MON2: variants seen among roughly 807,000 people sequenced by gnomAD.
MON2 encodes MON2 regulator of endosome-to-Golgi trafficking.
A neutral mutation model predicts 208.6 loss-of-function variants in MON2; 84 were observed. The observed-to-expected ratio is 0.40, with a 90% CI of 0.34 to 0.48. The LOEUF is 0.48. MON2 is among the 20% of genes least tolerant of loss of function. The pLI is 0.59. For missense variants in MON2, 1,611 were observed against 2,015.4 expected (o/e 0.80, Z 3.84); for synonymous variants, 660 against 694.0 (o/e 0.95, Z 0.77).
At position 62,558,422 on chromosome 12, in the gene MON2, C is replaced by G. The variant is rs113333937; in HGVS notation, c.3410-2069C>G. ...CGTGCAATATATAATTATATCTACTCTTTTAAAGGGACCCCTTCTCTGACA... is the reference window on the plus strand; with the variant it reads ...CGTGCAATATATAATTATATCTACTGTTTTAAAGGGACCCCTTCTCTGACA... On this transcript the variant is annotated intron_variant, in intron 25 of 34. Coordinates refer to ENST00000393630, the MANE Select transcript of MON2 (RefSeq NM_015026.3). 1.3e-4 allele frequency among the ~76,000 whole-genome samples: 20 copies of G among 152,042 alleles called. 1 individual carries two copies. The highest frequency in any genetic ancestry group is 3.9e-4 in the African/African-American group (16 of 41,460).
Position 62,495,119 on chromosome 12 carries a change from C to G in MON2, c.407C>G (p.Thr136Arg). 6.2e-7 allele frequency: 1 copy of G among 1,610,112 alleles called. No individual in the cohort carries two copies. Among genetic ancestry groups the G allele is most frequent in the Non-Finnish European group, 8.5e-7 (1 of 1,177,674 alleles). Residue 136 changes from threonine (T) to arginine (R), a missense_variant, in exon 4 of 35, where the codon ACA becomes AGA. Transcript: ENST00000393630. ...GTTCTTGTTCTTTTAACAACCAATA[C>G]AGTAGTTCATGATGAGGCACTTTCT... Reference protein sequence around the residue: ...QTVLVLLTTNTVVHDEALSKA... With the variant: ...QTVLVLLTTNRVVHDEALSKA...
At chr12:62,522,112 A>G (rs2072075674) in intron 8 of MON2, among the ~76,000 whole-genome samples, 1 of 152,094 alleles carries the variant, frequency 6.6e-6, no homozygotes, top group Non-Finnish European at 1.5e-5. Context: ...ACTTGAACCC[A>G]GGAGGTGGAG....
chr12:62,489,887 G>A (rs2070020029), intron 2 of MON2: 2 of 292,358 alleles, frequency 6.8e-6, no homozygotes, highest in South Asian at 3.6e-5. Context: ...AGCATTTTGA[G>A]TATCAAAATA....
intron 10 of MON2, 64 bp from the exon 11 acceptor site, chr12:62,525,885 A>G (rs1343728951): frequency 4.0e-6 from 6 of 1,501,064 alleles, no homozygotes; most frequent in Non-Finnish European, 5.5e-6. Flanking sequence ...GTGTTTGACT[A>G]TTACTGATTT....
At chr12:62,524,456 C>G in intron 8 of MON2, 59 bp from the exon 9 acceptor site, 1 of 1,371,388 alleles carries the variant, frequency 7.3e-7, no homozygotes, top group Non-Finnish European at 1.0e-6. Flanking sequence ...AATAAGAACA[C>G]AGTCTATAAT....
At chr12:62,550,909 CTTTTTTTTTTTT>C (rs869160726) in intron 23 of MON2, among the ~76,000 whole-genome samples, 2 of 43,814 alleles carry the variant, frequency 4.6e-5, no homozygotes, top group East Asian at 6.5e-4. Context: ...TTCTTTCTTT[CTTTTTTTTTTTT>C]TTTTTTTTTT....
chr12:62,582,697 G>GA (rs2075045638), intron 32 of MON2, among the ~76,000 whole-genome samples: 1 of 150,060 alleles, frequency 6.7e-6, no homozygotes, highest in Admixed American at 6.7e-5. Flanking sequence ...AGCTTATGTT[G>GA]AAAAATAAAG....
At chr12:62,527,070 G>A (rs552710608) in intron 11 of MON2, among the ~76,000 whole-genome samples, 12 of 152,246 alleles carry the variant, frequency 7.9e-5, no homozygotes, top group Admixed American at 7.8e-4. Context: ...AGGTTGCAGT[G>A]AGCTGAGATC....
intron 8 of MON2, 103 bp downstream of exon 8, chr12:62,508,583 A>G: frequency 1.9e-6 from 2 of 1,060,780 alleles, no homozygotes; most frequent in South Asian, 2.7e-5. Flanking sequence ...ATTCAGTTCA[A>G]CAGAATTTTT....
chr12:62,559,711 C>T (rs1048086466), intron 25 of MON2, among the ~76,000 whole-genome samples: 1 of 151,258 alleles, frequency 6.6e-6, no homozygotes, highest in Admixed American at 6.6e-5. Context: ...CACTTGAGCT[C>T]AGTGAGCCAT....
Position 62,549,679 on chromosome 12 carries a change from T to TA in MON2, c.2766dup (p.Arg923ThrfsTer32). 1 of 1,594,334 alleles carries TA rather than the reference T, an allele frequency of 6.3e-7. No homozygotes were observed. Among genetic ancestry groups the TA allele is most frequent in the Non-Finnish European group, 8.5e-7 (1 of 1,174,318 alleles). On this transcript the variant is annotated frameshift_variant, in exon 23 of 35. Coordinates refer to ENST00000393630, the MANE Select transcript of MON2 (RefSeq NM_015026.3). LOFTEE classifies it high-confidence loss of function. ...TCTTTTGTTTTCAGAGAATCCTTGA[T>TA]ACGAACTGCATTCCAGTGTCTTCAG...
intron 8 of MON2, among the ~76,000 whole-genome samples, chr12:62,513,063 C>T (rs1477849355): frequency 6.6e-6 from 1 of 152,152 alleles, no homozygotes; most frequent in Non-Finnish European, 1.5e-5. Flanking sequence ...ACCACGTTTT[C>T]CTCATAGGCC....
At chr12:62,497,915 C>T (rs1361751374) in intron 4 of MON2, among the ~76,000 whole-genome samples, 1 of 151,798 alleles carries the variant, frequency 6.6e-6, no homozygotes, top group African/African-American at 2.4e-5. Flanking sequence ...CATGCCCAGC[C>T]AACTGGCGGT....
chr12:62,483,315 A>T (rs1231518522), intron 1 of MON2, among the ~76,000 whole-genome samples: 2 of 152,200 alleles, frequency 1.3e-5, no homozygotes, highest in Non-Finnish European at 2.9e-5. Context: ...GTAAAATACT[A>T]TGTGACTTGC....
chr12:62,568,338 T>G (rs1474923611), intron 29 of MON2, among the ~76,000 whole-genome samples: 1 of 152,138 alleles, frequency 6.6e-6, no homozygotes, highest in Non-Finnish European at 1.5e-5. Context: ...AATCAGTTTG[T>G]GTATTTTTAT....
rs1243880097 is a variant in MON2 at position 62,556,267 on chromosome 12, TAG to T, written c.3409+78_3409+79del. The T allele has an allele frequency of 3.7e-6, 5 of 1,346,658 alleles. No individual in the cohort carries two copies. The East Asian group carries it at 1.2e-4, about 33-fold the overall frequency. The allele number at this position is 1,346,658 out of a possible 1,614,324, so 83.4% of individuals were successfully genotyped here. A position where few individuals can be genotyped will look rare whatever the true frequency, so the allele number is the denominator to read the frequency against. ...ATTTGGAAAATACAGACGATTCTTT[TAG>T]AGTCTATCTTAACTTAGTCTTTATG... On this transcript the variant is annotated intron_variant, in intron 25 of 34. Coordinates refer to ENST00000393630, the MANE Select transcript of MON2 (RefSeq NM_015026.3).
chr12:62,487,109 A>G (rs2069844353), intron 2 of MON2, among the ~76,000 whole-genome samples: 1 of 152,018 alleles, frequency 6.6e-6, no homozygotes, highest in Admixed American at 6.6e-5. Flanking sequence ...ATAAGTGGGA[A>G]TGCTATGCCA....
At position 62,599,209 on chromosome 12, in the gene MON2, C is replaced by G. The variant is rs896354501; in HGVS notation, c.*6460C>G. The G allele has an allele frequency of 3.9e-5, 6 of 151,982 alleles. No homozygotes were observed. The highest frequency in any genetic ancestry group is 9.7e-5 in the African/African-American group (4 of 41,380). 9.4% of individuals were successfully genotyped at this position (151,982 alleles called of 1,614,324 possible). On this transcript the variant is annotated 3_prime_UTR_variant, in exon 35 of 35. Coordinates refer to ENST00000393630, the MANE Select transcript of MON2 (RefSeq NM_015026.3). ...ATGAAAAAATAATAAACAGAAGACA[C>G]GAAGTGTCTCTCAATAGTTTAGAAA...
At chr12:62,571,299 C>T (rs933731887) in intron 29 of MON2, 93 bp from the exon 30 acceptor site, 2 of 936,088 alleles carry the variant, frequency 2.1e-6, no homozygotes, top group Non-Finnish European at 3.1e-6. Context: ...ATGAAAATAC[C>T]TATGCTATTT....
Sources: allele counts gnomAD v4.1 joint callset (sites outside exome capture counted in the v4.1 genomes callset), GRCh38; gene constraint gnomAD v4.1.1; transcripts MANE v1.5; gene names NCBI Gene and HGNC (gene_info 2026-07-23, HGNC 2026-07-21).